The following RBMS3 variants were observed in gnomAD, a reference collection of about 807,000 sequenced individuals.
RBMS3 encodes RNA binding motif single stranded interacting protein 3.
A neutral mutation model predicts 66.8 loss-of-function variants in RBMS3; 27 were observed. The observed-to-expected ratio is 0.40, with a 90% CI of 0.30 to 0.56. The LOEUF (loss-of-function observed/expected upper bound fraction) is 0.56, where lower values mean the gene tolerates loss of function less well. Among genes scored for constraint, RBMS3 ranks in the 20% least tolerant of loss-of-function variants. The probability of loss-of-function intolerance (pLI) is 0.40; values close to 1 mark genes in which losing one functional copy is unlikely to be tolerated. For missense variants in RBMS3, 513 were observed against 549.5 expected (o/e 0.93, Z 0.66); for synonymous variants, 188 against 183.0 (o/e 1.03, Z -0.22).
intron 3 of RBMS3, among the ~76,000 whole-genome samples, chr3:29,548,453 A>C (rs945041867): frequency 2.4e-4 from 31 of 131,806 alleles, no homozygotes; most frequent in Middle Eastern, 4.7e-3. Context: ...AACAAACAAA[A>C]AACAAAACGA....
chr3:29,926,416 T>C (rs1324090410), intron 10 of RBMS3, among the ~76,000 whole-genome samples: 1 of 152,206 alleles, frequency 6.6e-6, no homozygotes, highest in African/African-American at 2.4e-5. Context: ...ACTTTCTTAG[T>C]AATAGCCAAA....
intron 4 of RBMS3, among the ~76,000 whole-genome samples, chr3:29,672,273 G>C (rs1026479999): frequency 6.6e-5 from 10 of 152,130 alleles, no homozygotes; most frequent in Non-Finnish European, 1.3e-4. Context: ...CCTTACAAGA[G>C]CTCCTAAAGG....
chr3:29,948,194 AT>A (rs1695446420), intron 12 of RBMS3, among the ~76,000 whole-genome samples: 2 of 151,742 alleles, frequency 1.3e-5, no homozygotes, highest in Non-Finnish European at 2.9e-5. Flanking sequence ...TAAATGTCTG[AT>A]TTCTAACCAT....
At chr3:29,370,078 C>T (rs879743506) in intron 1 of RBMS3, among the ~76,000 whole-genome samples, 11 of 152,166 alleles carry the variant, frequency 7.2e-5, no homozygotes, top group Admixed American at 1.3e-4. Flanking sequence ...ATGGACAGCC[C>T]GGCCTCATGA....
intron 1 of RBMS3, among the ~76,000 whole-genome samples, chr3:29,398,918 G>C (rs1575709558): frequency 1.3e-5 from 2 of 152,092 alleles, no homozygotes; most frequent in East Asian, 3.9e-4. Flanking sequence ...ATGTGTTTTT[G>C]CTTTTTTAGA....
intron 1 of RBMS3, among the ~76,000 whole-genome samples, chr3:29,330,899 G>A (rs140233228): frequency 0.012 from 1,818 of 152,214 alleles, 114 homozygotes; most frequent in Admixed American, 0.11. Flanking sequence ...AATTGCTTGT[G>A]CCACTGGAAT....
chr3:29,430,064 C>T (rs2125715684), intron 1 of RBMS3, among the ~76,000 whole-genome samples: 1 of 152,170 alleles, frequency 6.6e-6, no homozygotes, highest in African/African-American at 2.4e-5. Flanking sequence ...GTGCATTTGT[C>T]AGGCATTCCG....
At chr3:29,776,789 C>CT (rs1243761713) in intron 6 of RBMS3, among the ~76,000 whole-genome samples, 1 of 151,864 alleles carries the variant, frequency 6.6e-6, no homozygotes, top group Non-Finnish European at 1.5e-5. Context: ...GGTACACATC[C>CT]TTTGCAACTA....
At chr3:29,557,883 A>T (rs1470074638) in intron 3 of RBMS3, among the ~76,000 whole-genome samples, 2 of 152,230 alleles carry the variant, frequency 1.3e-5, no homozygotes, top group Non-Finnish European at 2.9e-5. Context: ...TCTGAAGATT[A>T]TTTATAACAG....
chr3:29,903,731 G>A (rs549250005), intron 10 of RBMS3, among the ~76,000 whole-genome samples: 1 of 152,006 alleles, frequency 6.6e-6, no homozygotes, highest in East Asian at 1.9e-4. Context: ...TCATCTCAAG[G>A]AGAAAGGTCA....
chr3:29,959,320 G>A (rs750838254), intron 12 of RBMS3, among the ~76,000 whole-genome samples: 4 of 152,126 alleles, frequency 2.6e-5, no homozygotes, highest in Non-Finnish European at 5.9e-5. Flanking sequence ...TAAAGCAATA[G>A]TTCTCAAACT....
At chr3:29,384,417 C>CAAT (rs532698967) in intron 1 of RBMS3, among the ~76,000 whole-genome samples, 25,746 of 137,056 alleles carry the variant, frequency 0.19, 2,675 homozygotes, top group East Asian at 0.45. Context: ...ACATATACAC[C>CAAT]AATAATAATA....
rs553750954 is a variant in RBMS3 at position 29,649,659 on chromosome 3, AATGTTTATC to A, written c.399+62456_399+62464del. Among the ~76,000 whole-genome samples, 1,218 of 152,280 alleles carry A rather than the reference AATGTTTATC, an allele frequency of 8.0e-3. 17 individuals carry two copies. Among genetic ancestry groups the A allele is most frequent in the African/African-American group, 0.028 (1,145 of 41,560 alleles). The stretch of plus-strand genomic sequence containing the variant: ...TGAGTCTCAGAGGTTCCCAATCTGA[AATGTTTATC>A]AAGTAACTGGAGAAGTTGGAGATGA... On this transcript the variant is annotated intron_variant, in intron 4 of 14. Coordinates refer to ENST00000383767, the MANE Select transcript of RBMS3 (RefSeq NM_001003793.3).
In RBMS3 at chr3:29,878,888, T is replaced by C. The variant is rs546300569; in HGVS notation, c.745-5274T>C. On this transcript the variant is annotated intron_variant, in intron 7 of 14. Transcript: ENST00000383767. ...GAGACCCCATCTCTACAAAAAAAAA[T>C]TTAAATAAAATTAGCTGGGCTTAAT... is the stretch of plus-strand genomic sequence containing the variant. Among the ~76,000 whole-genome samples the C allele has an allele frequency of 4.0e-5, 6 of 151,718 alleles. No homozygotes were observed. In the South Asian group the frequency reaches 1.3e-3, roughly 32 times the overall value.
chr3:29,941,220 G>T (rs1261514238), intron 11 of RBMS3, among the ~76,000 whole-genome samples: 1 of 151,746 alleles, frequency 6.6e-6, no homozygotes, highest in African/African-American at 2.4e-5. Context: ...TACTCCATTT[G>T]TCCCCACAGT....
intron 1 of RBMS3, among the ~76,000 whole-genome samples, chr3:29,375,071 C>G (rs1476783563): frequency 6.6e-6 from 1 of 152,218 alleles, no homozygotes; most frequent in Non-Finnish European, 1.5e-5. Context: ...CTACAACCAT[C>G]TGATCTTTGA....
chr3:29,284,862 C>CTT (rs773078453), intron 1 of RBMS3, among the ~76,000 whole-genome samples: 63,331 of 112,208 alleles, frequency 0.56, 18,319 homozygotes, highest in Non-Finnish European at 0.59. Context: ...ATGAATTTTT[C>CTT]TTTTTTTTTT....
intron 14 of RBMS3, among the ~76,000 whole-genome samples, chr3:29,999,462 A>G (rs936903022): frequency 1.7e-4 from 26 of 152,314 alleles, no homozygotes; most frequent in Middle Eastern, 3.4e-3. Flanking sequence ...GCACATGCAC[A>G]TGTATGTTTA....
At chr3:29,322,128 AT>A (rs917865135) in intron 1 of RBMS3, among the ~76,000 whole-genome samples, 4 of 149,196 alleles carry the variant, frequency 2.7e-5, no homozygotes, top group Non-Finnish European at 4.5e-5. Flanking sequence ...CCTCTCTTTT[AT>A]TTTTTTTTCA....
Sources: gnomAD v4.1 joint callset for allele counts (sites outside exome capture counted in the v4.1 genomes callset) on GRCh38, gnomAD v4.1.1 for gene constraint, MANE v1.5 for transcripts, NCBI Gene and HGNC (gene_info 2026-07-23, HGNC 2026-07-21) for gene names.